ECE1: variants seen among roughly 807,000 people sequenced by gnomAD.
The protein encoded by ECE1 is endothelin converting enzyme 1, also known as endothelin-converting enzyme 1.
ECE1 carries 35 observed loss-of-function variants against 98.6 expected under a neutral mutation model. The observed-to-expected ratio is 0.35, with a 90% CI of 0.27 to 0.47. The LOEUF is 0.47. ECE1 is among the 20% of genes least tolerant of loss of function. The probability of loss-of-function intolerance (pLI) is 1.00; values close to 1 mark genes in which losing one functional copy is unlikely to be tolerated. For missense variants in ECE1, 814 were observed against 1,025.3 expected (o/e 0.79, Z 2.81); for synonymous variants, 394 against 407.1 (o/e 0.97, Z 0.39).
In ECE1 at chr1:21,255,986, C is replaced by G. The variant is rs1431030849; in HGVS notation, c.981G>C (p.Glu327Asp). Residue 327 changes from glutamate to aspartate, a missense_variant, in exon 8 of 19, where the codon GAG (glutamate) becomes GAC (aspartate). Physicochemically the swap from Glu to Asp is conservative, Grantham distance 45. Transcript: ENST00000374893. ...ITIPQEKRRD[E>D]ELIYHKVTAA... ...CCGTCACTTTGTGGTAGATGAGCTC[C>G]TCATCACGGCGCTTCTCCTGTGGGA... 6.2e-7 allele frequency: 1 copy of G among 1,614,156 alleles called. No individual in the cohort carries two copies. The highest frequency in any genetic ancestry group is 1.7e-5 in the Admixed American group (1 of 60,030).
intron 3 of ECE1, among the ~76,000 whole-genome samples, chr1:21,277,106 G>T (rs547388609): frequency 4.1e-4 from 63 of 152,258 alleles, no homozygotes; most frequent in African/African-American, 1.5e-3. Flanking sequence ...TAATATCTGG[G>T]GTGGTCACTG....
intron 11 of ECE1, among the ~76,000 whole-genome samples, chr1:21,237,502 T>C (rs960339955): frequency 2.6e-5 from 4 of 152,212 alleles, no homozygotes; most frequent in African/African-American, 9.7e-5. Context: ...CACCTCCGGC[T>C]GCAGATGACA....
At chr1:21,342,689 C>A (rs1639425116) in intron 1 of ECE1, among the ~76,000 whole-genome samples, 1 of 151,946 alleles carries the variant, frequency 6.6e-6, no homozygotes, top group African/African-American at 2.4e-5. Context: ...GGGCCAAGGA[C>A]AACTTGGCCA....
chr1:21,232,464 A>G (rs2098183013), intron 14 of ECE1, among the ~76,000 whole-genome samples: 1 of 151,806 alleles, frequency 6.6e-6, no homozygotes, highest in African/African-American at 2.4e-5. Flanking sequence ...ACGTCCAGCT[A>G]ATTTTAAAAA....
At chr1:21,305,323 A>G (rs1638572487) in intron 1 of ECE1, among the ~76,000 whole-genome samples, 1 of 152,238 alleles carries the variant, frequency 6.6e-6, no homozygotes, top group Non-Finnish European at 1.5e-5. Context: ...ACTGCTGTGC[A>G]GTGCTTGACA....
rs141750190 is a variant in ECE1 at position 21,308,471 on chromosome 1, G to A, written c.4-18315C>T. 3.0e-3 allele frequency among the ~76,000 whole-genome samples: 454 copies of A among 152,232 alleles called. 1 individual carries two copies. The highest frequency in any genetic ancestry group is 5.1e-3 in the Non-Finnish European group (350 of 68,000). ...GTAACAAGAGGAAGGGAGGAAGGGCGTCTTGTGAGAGGGAGGGGCCAGGAG... is the reference window on the plus strand; with the variant it reads ...GTAACAAGAGGAAGGGAGGAAGGGCATCTTGTGAGAGGGAGGGGCCAGGAG... On this transcript the variant is annotated intron_variant, in intron 1 of 18. Transcript: ENST00000415912.
chr1:21,289,256 G>A (rs2098263824), intron 2 of ECE1, among the ~76,000 whole-genome samples: 1 of 152,010 alleles, frequency 6.6e-6, no homozygotes, highest in African/African-American at 2.4e-5. Context: ...CAGATCACTG[G>A]GTCTCCTAGG....
chr1:21,225,371 C>T lies in ECE1; in HGVS notation c.1919G>A (p.Arg640His), dbSNP rs772321885. Residue 640 changes from arginine to histidine, a missense_variant, in exon 17 of 19, where the codon CGT becomes CAT. Arg to His is a conservative substitution (Grantham distance 29, BLOSUM62 0). Transcript: ENST00000374893. The surrounding 1 kb of genome is among the most constrained non-coding windows in gnomAD (Gnocchi z 5.3). ...CTGCTCTACCATGCACTCGGTCTGA[C>T]GCTTGAAGGCCTCCACGGATGAGTT... is the stretch of plus-strand genomic sequence containing the variant. ...WKNSSVEAFKRQTECMVEQYS... is the reference protein window; with the variant it reads ...WKNSSVEAFKHQTECMVEQYS... 4.2e-5 allele frequency: 67 copies of T among 1,614,218 alleles called. No individual in the cohort carries two copies. The highest frequency in any genetic ancestry group is 1.5e-4 in the African/African-American group (11 of 75,060).
At chr1:21,289,268 T>C (rs984749896) in intron 2 of ECE1, among the ~76,000 whole-genome samples, 16 of 152,178 alleles carry the variant, frequency 1.1e-4, no homozygotes, top group South Asian at 1.0e-3. Context: ...TCTCCTAGGG[T>C]GTCCGCAGCG....
At chr1:21,262,729 G>A (rs1001528500) in intron 4 of ECE1, among the ~76,000 whole-genome samples, 13 of 152,198 alleles carry the variant, frequency 8.5e-5, no homozygotes, top group African/African-American at 1.2e-4. Context: ...AATTATCACC[G>A]GGAGGGAGAA....
chr1:21,319,438 A>G lies in ECE1; in HGVS notation c.3+25938T>C. Among the ~76,000 whole-genome samples, 1 of 152,200 alleles carries G rather than the reference A, an allele frequency of 6.6e-6. No individual in the cohort carries two copies. The highest frequency in any genetic ancestry group is 6.5e-5 in the Admixed American group (1 of 15,282). On this transcript the variant is annotated intron_variant, in intron 1 of 18. Transcript: ENST00000415912. This position sits in a 1 kb window ranked among gnomAD's most constrained non-coding sequence, Gnocchi z 4.4. ...AGACATGATAAGACCTCGTGTCTAA[A>G]TGGCCTGGTACATACTAGGGCCTCC...
At chr1:21,316,413 C>T (rs891736850) in intron 1 of ECE1, among the ~76,000 whole-genome samples, 3 of 152,072 alleles carry the variant, frequency 2.0e-5, no homozygotes, top group Non-Finnish European at 4.4e-5. Context: ...GGGTTACAGG[C>T]GTGCGCCACC....
At position 21,260,004 on chromosome 1, in the gene ECE1, C is replaced by G. The variant is rs2098224657; in HGVS notation, c.615+267G>C. Among the ~76,000 whole-genome samples the G allele has an allele frequency of 6.6e-6, 1 of 152,236 alleles. No homozygotes were observed. The highest frequency in any genetic ancestry group is 2.1e-4 in the South Asian group (1 of 4,832). ...CCACACACAGATGCACAGAGAGACA[C>G]ACAGACAGATGACAGACATCTACAA... is the stretch of plus-strand genomic sequence containing the variant. On this transcript the variant is annotated intron_variant, in intron 5 of 18. Coordinates refer to ENST00000374893, the MANE Select transcript of ECE1 (RefSeq NM_001397.3). This position sits in a 1 kb window ranked among gnomAD's most constrained non-coding sequence, Gnocchi z 4.3.
At chr1:21,242,626 A>AC (rs952924202) in intron 10 of ECE1, among the ~76,000 whole-genome samples, 1 of 151,976 alleles carries the variant, frequency 6.6e-6, no homozygotes, top group Non-Finnish European at 1.5e-5. Context: ...GTATCCAGAG[A>AC]CCCCTGCTCA....
In ECE1 at chr1:21,233,694, T is replaced by A. The variant is rs777228168; in HGVS notation, c.1567-33A>T. Reference sequence around the variant, plus strand: ...AGAAGAAGTGGAGTCAATCACAGTGTGCCCTCGGTGGTGTGCATCTTCCAA... The same window carrying A: ...AGAAGAAGTGGAGTCAATCACAGTGAGCCCTCGGTGGTGTGCATCTTCCAA... On this transcript the variant is annotated intron_variant, in intron 13 of 18. Transcript: ENST00000374893. This position sits in a 1 kb window ranked among gnomAD's most constrained non-coding sequence, Gnocchi z 4.0. 1 of 1,595,420 alleles carries A rather than the reference T, an allele frequency of 6.3e-7. No homozygotes were observed. Among genetic ancestry groups the A allele is most frequent in the Non-Finnish European group, 8.6e-7 (1 of 1,163,990 alleles).
intron 1 of ECE1, among the ~76,000 whole-genome samples, chr1:21,339,354 C>G (rs78820649): frequency 2.6e-4 from 40 of 152,318 alleles, no homozygotes; most frequent in African/African-American, 9.6e-4. Context: ...ACAGTCCTAT[C>G]CCTGTCCCAG....
At chr1:21,275,292 G>A (rs1269242214) in intron 3 of ECE1, among the ~76,000 whole-genome samples, 4 of 152,066 alleles carry the variant, frequency 2.6e-5, no homozygotes, top group Non-Finnish European at 5.9e-5. Context: ...CAAGAAACTA[G>A]TCCCAGAAGT....
At position 21,255,996 on chromosome 1, in the gene ECE1, C is replaced by T. The variant is rs778625647; in HGVS notation, c.971G>A (p.Arg324His). ...LANITIPQEKRRDEELIYHKV... is the reference protein window; with the variant it reads ...LANITIPQEKHRDEELIYHKV... ...GTGGTAGATGAGCTCCTCATCACGG[C>T]GCTTCTCCTGTGGGATGGTGATGTT... Residue 324 changes from arginine to histidine, a missense_variant, in exon 8 of 19, where the codon CGC becomes CAC. Transcript: ENST00000374893. The T allele has an allele frequency of 4.3e-6, 7 of 1,613,978 alleles. No homozygotes were observed. The Admixed American group carries it at 8.3e-5, about 19-fold the overall frequency.
At chr1:21,269,700 G>A (rs561384021) in intron 4 of ECE1, among the ~76,000 whole-genome samples, 1 of 152,326 alleles carries the variant, frequency 6.6e-6, no homozygotes, top group South Asian at 2.1e-4. Context: ...TCCCAGGCAA[G>A]TCAATACTCA....
Sources: gnomAD v4.1 joint callset for allele counts (sites outside exome capture counted in the v4.1 genomes callset) on GRCh38, gnomAD v4.1.1 for gene constraint, Gnocchi (gnomAD v3.1) non-coding constraint, MANE v1.5 for transcripts, NCBI Gene and HGNC (gene_info 2026-07-23, HGNC 2026-07-21) for gene names.